Variants in PPP2R5E observed in about 807,000 individuals in gnomAD.
PPP2R5E encodes the protein serine/threonine-protein phosphatase 2A 56 kDa regulatory subunit epsilon isoform.
In PPP2R5E, 4 loss-of-function variants were observed where a neutral mutation model predicts 65.3. That is an observed-to-expected ratio of 0.06 (90% CI 0.03 to 0.14). PPP2R5E has a LOEUF of 0.14. Ranked by LOEUF, PPP2R5E falls within the 10% of genes least tolerant of loss-of-function variation. PPP2R5E has a pLI of 1.00. For synonymous variants in PPP2R5E, 183 were observed against 187.4 expected, an observed-to-expected ratio of 0.98 and a Z score of 0.19; for missense variants, 274 against 556.1, an observed-to-expected ratio of 0.49 and a Z score of 5.10.
At chr14:63,377,316 C>T (rs942877122) in intron 13 of PPP2R5E, among the ~76,000 whole-genome samples, 6 of 152,118 alleles carry the variant, frequency 3.9e-5, no homozygotes, top group Admixed American at 1.3e-4. Context: ...ACAATTTCTA[C>T]GCAGGGAAAT....
intron 2 of PPP2R5E, among the ~76,000 whole-genome samples, chr14:63,501,894 G>T (rs1891909082): frequency 6.6e-6 from 1 of 151,980 alleles, no homozygotes; most frequent in Non-Finnish European, 1.5e-5. Flanking sequence ...TTAGAGTTTT[G>T]TTAATTTTTT....
At chr14:63,530,630 C>CTTTTT (rs954359159) in intron 2 of PPP2R5E, among the ~76,000 whole-genome samples, 83 of 81,290 alleles carry the variant, frequency 1.0e-3, no homozygotes, top group South Asian at 1.4e-3. Flanking sequence ...CTCTCAATTT[C>CTTTTT]TTTTTTTTTT....
chr14:63,387,408 C>CT (rs1392539854), intron 11 of PPP2R5E, among the ~76,000 whole-genome samples: 7 of 152,060 alleles, frequency 4.6e-5, no homozygotes, highest in African/African-American at 1.7e-4. Flanking sequence ...AGAGCCACTA[C>CT]TTTCCTGGGA....
In PPP2R5E at chr14:63,373,029, A is replaced by C. The variant is rs1883774509; in HGVS notation, c.*2980T>G. On this transcript the variant is annotated 3_prime_UTR_variant, in exon 14 of 14. Coordinates refer to ENST00000337537, the MANE Select transcript of PPP2R5E (RefSeq NM_006246.5). ...ACACTGAAGGAAAACAACTGGGGAT[A>C]CTTCACAATGAGAAACAGGAATGCA... 6.6e-6 allele frequency: 1 copy of C among 152,224 alleles called. No homozygotes were observed. Among genetic ancestry groups the C allele is most frequent in the Admixed American group, 6.5e-5 (1 of 15,280 alleles). 9.4% of individuals were successfully genotyped at this position (152,224 alleles called of 1,614,324 possible). A position where few individuals can be genotyped will look rare whatever the true frequency, so the allele number is the denominator to read the frequency against.
chr14:63,522,408 A>G lies in PPP2R5E; in HGVS notation c.157+17121T>C, dbSNP rs1319759111. ...GAGCGTCTCTGCCTGGCCGCCCATC[A>G]TCTGGGACGTGAGGAGCCCCTCTGC... On this transcript the variant is annotated intron_variant, in intron 2 of 13. Coordinates refer to ENST00000337537, the MANE Select transcript of PPP2R5E (RefSeq NM_006246.5). Among the ~76,000 whole-genome samples the G allele has an allele frequency of 9.2e-5, 12 of 130,328 alleles. No individual in the cohort carries two copies. In the South Asian group the frequency reaches 1.0e-3, roughly 11 times the overall value. The allele number at this position is 130,328 out of a possible 152,430, so 85.5% of individuals were successfully genotyped here.
chr14:63,433,666 C>G (rs953112482), intron 3 of PPP2R5E, among the ~76,000 whole-genome samples: 3 of 151,930 alleles, frequency 2.0e-5, no homozygotes, highest in South Asian at 2.1e-4. Flanking sequence ...CTAGTTTAGC[C>G]TCTCCAGAGA....
chr14:63,448,001 A>C (rs184886052), intron 3 of PPP2R5E, among the ~76,000 whole-genome samples: 5 of 152,350 alleles, frequency 3.3e-5, no homozygotes, highest in Non-Finnish European at 5.9e-5. Flanking sequence ...CAAAGCAATT[A>C]AAATAGTAAC....
chr14:63,509,267 CTTTTTTTTTTTTTTTT>C (rs10553696), intron 2 of PPP2R5E, among the ~76,000 whole-genome samples: 1 of 108,066 alleles, frequency 9.3e-6, no homozygotes. Flanking sequence ...TTAAAATATC[CTTTTTTTTTTTTTTTT>C]TTTTTTTTTG....
chr14:63,530,626 A>AT (rs1893381802), intron 2 of PPP2R5E, among the ~76,000 whole-genome samples: 3 of 131,410 alleles, frequency 2.3e-5, no homozygotes, highest in Middle Eastern at 5.9e-3. Context: ...CTGACTCTCA[A>AT]TTTCTTTTTT....
At chr14:63,477,368 A>G (rs1226549901) in intron 2 of PPP2R5E, among the ~76,000 whole-genome samples, 1 of 152,156 alleles carries the variant, frequency 6.6e-6, no homozygotes, top group African/African-American at 2.4e-5. Context: ...TGCAGCTAAC[A>G]TTTATTGATC....
chr14:63,376,794 A>G (rs955507183), intron 13 of PPP2R5E, among the ~76,000 whole-genome samples: 3 of 152,224 alleles, frequency 2.0e-5, no homozygotes, highest in African/African-American at 7.2e-5. Flanking sequence ...ACTATATTGT[A>G]AGTTATATAA....
Position 63,395,390 on chromosome 14 carries a change from G to A in PPP2R5E, c.681-105C>T, listed in dbSNP as rs1196120478. On this transcript the variant is annotated intron_variant, in intron 6 of 13. Transcript: ENST00000337537. ...GAGAAGGGGGAGGAGGAGGAGAAGA[G>A]GAGGAGGAGGAGGAGAGCGGGGAAG... The A allele has an allele frequency of 1.2e-4, 37 of 313,526 alleles. 1 individual carries two copies. The highest frequency in any genetic ancestry group is 7.8e-4 in the African/African-American group (15 of 19,348). 19.4% of individuals were successfully genotyped at this position (313,526 alleles called of 1,614,324 possible). A position where few individuals can be genotyped will look rare whatever the true frequency, so the allele number is the denominator to read the frequency against.
At position 63,439,012 on chromosome 14, in the gene PPP2R5E, A is replaced by C. The variant is rs543108100; in HGVS notation, c.354+14677T>G. On this transcript the variant is annotated intron_variant, in intron 3 of 13. Transcript: ENST00000337537. ...CCCAAAAAAAAAAGGTATGAAAATAAAACTTCATAGAGAGTTTGAAATCAA... is the reference window on the plus strand; with the variant it reads ...CCCAAAAAAAAAAGGTATGAAAATACAACTTCATAGAGAGTTTGAAATCAA... 6.6e-5 allele frequency among the ~76,000 whole-genome samples: 10 copies of C among 152,296 alleles called. No homozygotes were observed. In the East Asian group the frequency reaches 1.7e-3, roughly 26 times the overall value.
chr14:63,464,931 G>A (rs1889704878), intron 2 of PPP2R5E, among the ~76,000 whole-genome samples: 1 of 151,808 alleles, frequency 6.6e-6, no homozygotes, highest in Non-Finnish European at 1.5e-5. Flanking sequence ...GCTGAGGCAG[G>A]AGAATCGCTC....
intron 7 of PPP2R5E, 108 bp downstream of exon 7, chr14:63,395,118 C>T (rs1301933647): frequency 3.5e-6 from 3 of 861,152 alleles, no homozygotes; most frequent in Non-Finnish European, 5.7e-6. Context: ...GAGAGAGACC[C>T]AATGTACATA....
chr14:63,493,485 T>G (rs1174375385), intron 2 of PPP2R5E, among the ~76,000 whole-genome samples: 1 of 107,062 alleles, frequency 9.3e-6, no homozygotes, highest in Admixed American at 1.2e-4. Context: ...CGCGCGCGCG[T>G]GTGTGTGTGC....
intron 3 of PPP2R5E, among the ~76,000 whole-genome samples, chr14:63,449,529 A>G (rs921125158): frequency 6.6e-6 from 1 of 152,192 alleles, no homozygotes; most frequent in Non-Finnish European, 1.5e-5. Flanking sequence ...GTATATATAC[A>G]ATGGGCTTAG....
Position 63,374,270 on chromosome 14 carries a change from G to A in PPP2R5E, c.*1739C>T, listed in dbSNP as rs769167089. The A allele has an allele frequency of 2.0e-5, 3 of 151,594 alleles. No individual in the cohort carries two copies. Among genetic ancestry groups the A allele is most frequent in the Non-Finnish European group, 2.9e-5 (2 of 67,954 alleles). 9.4% of individuals were successfully genotyped at this position (151,594 alleles called of 1,614,324 possible). A position where few individuals can be genotyped will look rare whatever the true frequency, so the allele number is the denominator to read the frequency against. On this transcript the variant is annotated 3_prime_UTR_variant, in exon 14 of 14. Transcript: ENST00000337537. ...TTTTTCTTGAAAATAATAAAACTGC[G>A]TATTCTACTTTATATTTAAATGTAA...
intron 5 of PPP2R5E, among the ~76,000 whole-genome samples, chr14:63,402,096 T>C (rs1885788569): frequency 6.6e-6 from 1 of 152,144 alleles, no homozygotes. Context: ...TTATTGGAAA[T>C]AATGGGATGA....
Sources: allele counts gnomAD v4.1 joint callset (sites outside exome capture counted in the v4.1 genomes callset), GRCh38; gene constraint gnomAD v4.1.1; transcripts MANE v1.5; gene names NCBI Gene and HGNC (gene_info 2026-07-23, HGNC 2026-07-21).